The following SFI1 variants were observed in gnomAD, a reference collection of about 807,000 sequenced individuals.
The protein encoded by SFI1 is protein SFI1 homolog.
In SFI1, 195 loss-of-function variants were observed where a neutral mutation model predicts 207.5. The observed-to-expected ratio is 0.94, with a 90% CI of 0.84 to 1.06. The LOEUF is 1.06. SFI1 is among the 50% of genes least tolerant of loss of function. The pLI is 0.00. For synonymous variants in SFI1, 630 were observed against 598.9 expected, an observed-to-expected ratio of 1.05 and a Z score of -0.76; for missense variants, 1,634 against 1,588.0, an observed-to-expected ratio of 1.03 and a Z score of -0.49.
intron 12 of SFI1, among the ~76,000 whole-genome samples, chr22:31,583,378 G>A (rs953425679): frequency 1.3e-5 from 2 of 152,192 alleles, no homozygotes; most frequent in African/African-American, 4.8e-5. Context: ...GCCTCCCAAA[G>A]TGCTGGGATT....
Position 31,589,367 on chromosome 22 carries a change from C to T in SFI1, c.1414-80C>T, listed in dbSNP as rs1311044931. 4 of 1,259,678 alleles carry T rather than the reference C, an allele frequency of 3.2e-6. No individual in the cohort carries two copies. The East Asian group carries it at 1.1e-4, about 34-fold the overall frequency. The allele number at this position is 1,259,678 out of a possible 1,614,324, so 78.0% of individuals were successfully genotyped here. A position where few individuals can be genotyped will look rare whatever the true frequency, so the allele number is the denominator to read the frequency against. ...TTTTTATTATATAGGAAGCAATCCT[C>T]CCACAAGGGTGTGACCCTGAGAGGT... On this transcript the variant is annotated intron_variant, in intron 14 of 32. Coordinates refer to ENST00000400288, the MANE Select transcript of SFI1 (RefSeq NM_001007467.3).
rs1603186540 is a variant in SFI1 at position 31,582,188 on chromosome 22, A to G, written c.1249-1687A>G. On this transcript the variant is annotated intron_variant, in intron 12 of 32. Transcript: ENST00000400288. The stretch of plus-strand genomic sequence containing the variant: ...ATCTAGAACTTTCCTTCCCCCAACA[A>G]CACTTCTTTATTACATTTTATATAT... Among the ~76,000 whole-genome samples, 3 of 97,816 alleles carry G rather than the reference A, an allele frequency of 3.1e-5. No homozygotes were observed. The Middle Eastern group carries it at 0.023, about 741-fold the overall frequency. 64.2% of individuals were successfully genotyped at this position (97,816 alleles called of 152,430 possible). A position where few individuals can be genotyped will look rare whatever the true frequency, so the allele number is the denominator to read the frequency against.
At chr22:31,591,553 GGC>G (rs1448604700) in intron 15 of SFI1, among the ~76,000 whole-genome samples, 1 of 145,954 alleles carries the variant, frequency 6.9e-6, no homozygotes, top group Non-Finnish European at 1.5e-5. Context: ...GCCGGGCAGA[GGC>G]GCCCCTCACC....
At chr22:31,532,122 T>C (rs572356535) in intron 4 of SFI1, among the ~76,000 whole-genome samples, 1 of 152,072 alleles carries the variant, frequency 6.6e-6, no homozygotes, top group East Asian at 1.9e-4. Context: ...TAAATCAGGA[T>C]AGATAAGATC....
intron 2 of SFI1, among the ~76,000 whole-genome samples, chr22:31,518,258 G>T (rs1334292575): frequency 1.3e-5 from 2 of 152,182 alleles, no homozygotes; most frequent in African/African-American, 4.8e-5. Context: ...GCCTTCCAAA[G>T]TACTGGGTTT....
At chr22:31,542,916 C>T (rs2147791698) in intron 4 of SFI1, among the ~76,000 whole-genome samples, 1 of 151,708 alleles carries the variant, frequency 6.6e-6, no homozygotes, top group Middle Eastern at 3.5e-3. Context: ...CCCACCTTGG[C>T]CTCCCAAAGT....
intron 15 of SFI1, among the ~76,000 whole-genome samples, chr22:31,593,986 A>G (rs1423518795): frequency 0.048 from 1,309 of 27,130 alleles, 14 homozygotes; most frequent in South Asian, 0.064. Context: ...GGAGACGGAG[A>G]CGAGGGAGAG....
At chr22:31,580,175 C>A in intron 11 of SFI1, 97 bp from the exon 12 acceptor site, 1 of 840,918 alleles carries the variant, frequency 1.2e-6, no homozygotes, top group East Asian at 2.7e-5. Context: ...AAGCTTCTCC[C>A]CGCTGATTTG....
At chr22:31,572,971 G>A (rs2063107693) in intron 8 of SFI1, 87 bp from the exon 9 acceptor site, 1 of 1,370,858 alleles carries the variant, frequency 7.3e-7, no homozygotes, top group South Asian at 1.3e-5. Flanking sequence ...TTTCCAGCGT[G>A]TGTGCCTTTC....
In SFI1 at chr22:31,550,236, C is replaced by G. The variant is rs761153647; in HGVS notation, c.450-18C>G. ...TGTTATTTTGAAGAAATGCCATTTACTTTTTTTGGCTCCTCAGGTATTACC... is the reference window on the plus strand; with the variant it reads ...TGTTATTTTGAAGAAATGCCATTTAGTTTTTTTGGCTCCTCAGGTATTACC... On this transcript the variant is annotated intron_variant, in intron 5 of 32. Coordinates refer to ENST00000400288, the MANE Select transcript of SFI1 (RefSeq NM_001007467.3). The G allele has an allele frequency of 6.2e-7, 1 of 1,607,980 alleles. No individual in the cohort carries two copies.
chr22:31,520,437 G>T (rs1396003680), intron 2 of SFI1, among the ~76,000 whole-genome samples: 2 of 151,908 alleles, frequency 1.3e-5, no homozygotes, highest in Non-Finnish European at 2.9e-5. Flanking sequence ...TCCTAAAATG[G>T]TTCTATATTG....
chr22:31,500,576 G>T (rs1056238358), intron 1 of SFI1, among the ~76,000 whole-genome samples: 4 of 152,056 alleles, frequency 2.6e-5, no homozygotes, highest in Non-Finnish European at 5.9e-5. Flanking sequence ...TCCTGCCTCA[G>T]CCTCCTGAGT....
chr22:31,594,834 G>A (rs537255473), intron 15 of SFI1, among the ~76,000 whole-genome samples: 80 of 109,652 alleles, frequency 7.3e-4, no homozygotes, highest in Admixed American at 2.1e-3. Flanking sequence ...TAGCCTGGGC[G>A]ACAGAGTGAG....
At chr22:31,527,777 C>T (rs945789095) in intron 2 of SFI1, among the ~76,000 whole-genome samples, 1 of 152,042 alleles carries the variant, frequency 6.6e-6, no homozygotes, top group Middle Eastern at 3.2e-3. Context: ...GAATTTGAGA[C>T]TAGCCTGGGC....
intron 15 of SFI1, among the ~76,000 whole-genome samples, chr22:31,591,112 C>G (rs931536979): frequency 6.6e-6 from 1 of 152,000 alleles, no homozygotes; most frequent in Non-Finnish European, 1.5e-5. Flanking sequence ...GAGGACCCTG[C>G]GGCCTTCCGC....
chr22:31,565,059 G>A (rs547024574), intron 8 of SFI1, among the ~76,000 whole-genome samples: 2 of 148,980 alleles, frequency 1.3e-5, no homozygotes, highest in East Asian at 4.0e-4. Context: ...TCCTGACCTC[G>A]TGATCCGCCT....
chr22:31,524,462 AC>A (rs2057663179), intron 2 of SFI1, among the ~76,000 whole-genome samples: 1 of 151,316 alleles, frequency 6.6e-6, no homozygotes, highest in South Asian at 2.1e-4. Context: ...TCACTCTGTC[AC>A]CCAGGCTGGA....
At chr22:31,590,101 A>G (rs1237521257) in intron 15 of SFI1, among the ~76,000 whole-genome samples, 1 of 151,648 alleles carries the variant, frequency 6.6e-6, no homozygotes, top group Non-Finnish European at 1.5e-5. Flanking sequence ...AGGAAGCAAA[A>G]GGGGCAGATT....
At chr22:31,536,902 T>G (rs1264524665) in intron 4 of SFI1, among the ~76,000 whole-genome samples, 1 of 151,948 alleles carries the variant, frequency 6.6e-6, no homozygotes, top group East Asian at 1.9e-4. Flanking sequence ...TTTTTGTTTT[T>G]TTTTTTAAAA....
Sources: allele counts gnomAD v4.1 joint callset (sites outside exome capture counted in the v4.1 genomes callset), GRCh38; gene constraint gnomAD v4.1.1; transcripts MANE v1.5; gene names NCBI Gene and HGNC (gene_info 2026-07-23, HGNC 2026-07-21).